The following CACNA2D1 variants were observed in gnomAD, a reference collection of about 807,000 sequenced individuals.
The protein encoded by CACNA2D1 is voltage-dependent calcium channel subunit alpha-2/delta-1.
Under a neutral mutation model 171.5 loss-of-function variants are expected in CACNA2D1, and 53 were observed. The ratio of observed to expected loss-of-function variants is 0.31; its 90% CI spans 0.25 to 0.39. The LOEUF (loss-of-function observed/expected upper bound fraction) is 0.39, where lower values mean the gene tolerates loss of function less well. Ranked by LOEUF, CACNA2D1 falls within the 10% of genes least tolerant of loss-of-function variation. CACNA2D1 has a pLI of 1.00. For synonymous variants in CACNA2D1, 442 were observed against 443.1 expected, an observed-to-expected ratio of 1.00 and a Z score of 0.03; for missense variants, 903 against 1,299.8, an observed-to-expected ratio of 0.69 and a Z score of 4.69.
intron 4 of CACNA2D1, among the ~76,000 whole-genome samples, chr7:82,140,515 G>A (rs180871539): frequency 6.6e-5 from 10 of 152,238 alleles, no homozygotes; most frequent in Admixed American, 5.9e-4. Flanking sequence ...AGGAGTTGGA[G>A]AAACTAACTC....
intron 2 of CACNA2D1, among the ~76,000 whole-genome samples, chr7:82,346,860 T>TA (rs1257842484): frequency 6.6e-6 from 1 of 152,166 alleles, no homozygotes; most frequent in African/African-American, 2.4e-5. Context: ...CAAATAAGGA[T>TA]AAAAAATGCT....
chr7:81,956,037 G>C (rs1194083172), intron 38 of CACNA2D1, among the ~76,000 whole-genome samples: 5 of 136,908 alleles, frequency 3.7e-5, no homozygotes, highest in Non-Finnish European at 7.6e-5. Context: ...ATCTAGGCTG[G>C]AGTGCAGTGG....
At chr7:82,278,127 AT>A (rs909875505) in intron 3 of CACNA2D1, among the ~76,000 whole-genome samples, 6 of 152,104 alleles carry the variant, frequency 3.9e-5, no homozygotes, top group African/African-American at 4.8e-5. Context: ...GTTAACCTTC[AT>A]TTATTCAACT....
intron 21 of CACNA2D1, among the ~76,000 whole-genome samples, chr7:81,988,937 T>C (rs960596958): frequency 1.3e-5 from 2 of 152,168 alleles, no homozygotes; most frequent in Admixed American, 6.5e-5. Context: ...TAAATTTCAA[T>C]AAGGGTTATG....
chr7:82,241,778 C>A (rs1804326262), intron 3 of CACNA2D1, among the ~76,000 whole-genome samples: 1 of 151,984 alleles, frequency 6.6e-6, no homozygotes, highest in South Asian at 2.1e-4. Context: ...ATGTTTAGTG[C>A]AAATACGACT....
intron 6 of CACNA2D1, among the ~76,000 whole-genome samples, chr7:82,104,206 T>C (rs1387672545): frequency 6.6e-6 from 1 of 152,084 alleles, no homozygotes; most frequent in Non-Finnish European, 1.5e-5. Context: ...ACTTTTTTAA[T>C]TTAATGAATA....
chr7:82,078,798 C>T (rs928362074), intron 7 of CACNA2D1, among the ~76,000 whole-genome samples: 7 of 151,988 alleles, frequency 4.6e-5, no homozygotes, highest in African/African-American at 1.7e-4. Flanking sequence ...CTTAAAAGTA[C>T]AAAGTGACGG....
intron 6 of CACNA2D1, among the ~76,000 whole-genome samples, chr7:82,104,471 T>C (rs1813072433): frequency 6.6e-6 from 1 of 152,072 alleles, no homozygotes; most frequent in Non-Finnish European, 1.5e-5. Flanking sequence ...ATAAATATTA[T>C]ATTCTTATGA....
intron 12 of CACNA2D1, among the ~76,000 whole-genome samples, chr7:82,024,417 C>T (rs1454153239): frequency 2.0e-5 from 3 of 151,616 alleles, no homozygotes; most frequent in Non-Finnish European, 4.4e-5. Context: ...TACATTTTTT[C>T]ATGTAGCTAT....
Position 82,084,774 on chromosome 7 carries a change from T to A in CACNA2D1, c.653A>T (p.Tyr218Phe). 1.9e-6 allele frequency: 3 copies of A among 1,614,030 alleles called. No homozygotes were observed. Among genetic ancestry groups the A allele is most frequent in the Non-Finnish European group, 2.5e-6 (3 of 1,179,904 alleles). Residue 218 changes from tyrosine (Y) to phenylalanine (F), a missense_variant, in exon 7 of 39, where the codon TAT (tyrosine) becomes TTT (phenylalanine). Tyr to Phe is a conservative substitution (Grantham distance 22). Around this residue, in one of 5 missense-constraint regions of CACNA2D1, gnomAD observed 189 missense variants for 266.8 expected, o/e 0.71. Transcript: ENST00000356860. ...FGSATGLARYYPASPWVDNSR... is the reference protein window; with the variant it reads ...FGSATGLARYFPASPWVDNSR... ...TTGAATCACTAAGCACCTACCTGGA[T>A]AATATCGAGCTAGGCCAGTGGCACT...
At chr7:82,357,807 C>T (rs569594997) in intron 1 of CACNA2D1, among the ~76,000 whole-genome samples, 2 of 148,808 alleles carry the variant, frequency 1.3e-5, no homozygotes, top group Admixed American at 6.8e-5. Context: ...CACATGTATA[C>T]GTATGTAACA....
intron 5 of CACNA2D1, among the ~76,000 whole-genome samples, chr7:82,119,970 C>A (rs1221421597): frequency 6.6e-6 from 1 of 152,060 alleles, no homozygotes; most frequent in Non-Finnish European, 1.5e-5. Context: ...TCACTTCAGG[C>A]CAGGAGTTCA....
At chr7:82,184,171 T>C (rs796887519) in intron 3 of CACNA2D1, among the ~76,000 whole-genome samples, 95 of 46,904 alleles carry the variant, frequency 2.0e-3, no homozygotes, top group African/African-American at 5.4e-3. Context: ...GGTTTCCTCT[T>C]TTTTTTTTTT....
intron 24 of CACNA2D1, among the ~76,000 whole-genome samples, chr7:81,981,311 G>A (rs1225857799): frequency 1.3e-5 from 2 of 152,120 alleles, no homozygotes; most frequent in African/African-American, 4.8e-5. Context: ...AGAATAGTGT[G>A]TCATCAAGCA....
chr7:82,008,180 C>G (rs1000240113), intron 15 of CACNA2D1, among the ~76,000 whole-genome samples: 1 of 151,918 alleles, frequency 6.6e-6, no homozygotes, highest in Non-Finnish European at 1.5e-5. Context: ...TAGCCTTATT[C>G]TTTATTTTTT....
chr7:82,296,399 G>T (rs1812293216), intron 3 of CACNA2D1, among the ~76,000 whole-genome samples: 1 of 152,112 alleles, frequency 6.6e-6, no homozygotes, highest in African/African-American at 2.4e-5. Context: ...AAATTTTGCA[G>T]CCTTGGGCAC....
At chr7:82,249,914 C>G (rs1805422757) in intron 3 of CACNA2D1, among the ~76,000 whole-genome samples, 2 of 152,140 alleles carry the variant, frequency 1.3e-5, no homozygotes, top group Non-Finnish European at 2.9e-5. Flanking sequence ...GTGTCTTAGT[C>G]CATTTTCTGC....
intron 4 of CACNA2D1, among the ~76,000 whole-genome samples, chr7:82,142,771 C>G (rs979870947): frequency 2.0e-5 from 3 of 152,074 alleles, no homozygotes; most frequent in Non-Finnish European, 2.9e-5. Flanking sequence ...CTCCTGAGTT[C>G]CAAATACCAA....
At chr7:82,020,749 C>T (rs895692590) in intron 12 of CACNA2D1, 4 of 151,964 alleles carry the variant, frequency 2.6e-5, no homozygotes, top group Non-Finnish European at 5.9e-5. Flanking sequence ...TTTCTAAATG[C>T]CATTATGTCC....
Sources: allele counts gnomAD v4.1 joint callset (sites outside exome capture counted in the v4.1 genomes callset), GRCh38; gene constraint gnomAD v4.1.1; regional missense constraint gnomAD v4.1.1; transcripts MANE v1.5; gene names NCBI Gene and HGNC (gene_info 2026-07-23, HGNC 2026-07-21).